KLF11: variants seen among roughly 807,000 people sequenced by gnomAD.
KLF11 encodes the protein Krueppel-like factor 11.
A neutral mutation model predicts 29.9 loss-of-function variants in KLF11; 26 were observed. That is an observed-to-expected ratio of 0.87 (90% CI 0.64 to 1.21). KLF11 has a LOEUF of 1.21. Ranked by LOEUF, KLF11 falls within the 50% of genes most tolerant of loss-of-function variation. The probability of loss-of-function intolerance (pLI) is 0.00; values close to 1 mark genes in which losing one functional copy is unlikely to be tolerated. For missense variants in KLF11, 778 were observed against 665.7 expected (o/e 1.17, Z -1.86); for synonymous variants, 318 against 257.4 (o/e 1.24, Z -2.25).
Position 10,048,414 on chromosome 2 carries a change from G to A in KLF11, c.1077G>A (p.Met359Ile), listed in dbSNP as rs146486664. Residue 359 changes from methionine to isoleucine, a missense_variant, in exon 3 of 4, where the codon ATG becomes ATA. Met to Ile is a conservative substitution (Grantham distance 10). Coordinates refer to ENST00000305883, the MANE Select transcript of KLF11 (RefSeq NM_003597.5). ...PPPAPCAANV[M>I]AAGNTKLLPL... ...CTGCCCCCTGTGCAGCCAATGTCAT[G>A]GCTGCCGGGAATACCAAGTTGTTGC... 1.6e-4 allele frequency: 266 copies of A among 1,613,988 alleles called. No individual in the cohort carries two copies. Among genetic ancestry groups the A allele is most frequent in the Non-Finnish European group, 2.2e-4 (256 of 1,179,996 alleles).
chr2:10,048,841 T>C (rs1230611762), intron 3 of KLF11, among the ~76,000 whole-genome samples: 1 of 151,850 alleles, frequency 6.6e-6, no homozygotes, highest in Non-Finnish European at 1.5e-5. Context: ...TGTGATTGTG[T>C]CTTTTGGTAG....
In KLF11 at chr2:10,052,312, C is replaced by T. The variant is rs747478342; in HGVS notation, c.1344C>T (p.His448=). 5 of 1,614,064 alleles carry T rather than the reference C, an allele frequency of 3.1e-6. No individual in the cohort carries two copies. The highest frequency in any genetic ancestry group is 4.2e-6 in the Non-Finnish European group (5 of 1,180,052). Residue 448 remains histidine (H), a synonymous_variant, in exon 4 of 4, where the codon CAC becomes CAT. Coordinates refer to ENST00000305883, the MANE Select transcript of KLF11 (RefSeq NM_003597.5). ...SDELSRHRRT[H]TGEKKFVCPV... is the part of the protein sequence containing the mutation. The stretch of plus-strand genomic sequence containing the variant: ...AGCTGTCACGCCACCGCAGAACTCA[C>T]ACAGGGGAGAAGAAGTTTGTGTGCC...
At chr2:10,043,929 CCGCGACGGG>C (rs1157517121) in intron 1 of KLF11, 171 bp downstream of exon 1, 8 of 1,007,438 alleles carry the variant, frequency 7.9e-6, no homozygotes, top group Non-Finnish European at 9.5e-6. Flanking sequence ...GGGGCGGCGG[CCGCGACGGG>C]CGCGCCCGGG....
chr2:10,046,049 A>G, intron 1 of KLF11, 101 bp from the exon 2 acceptor site: 3 of 1,332,612 alleles, frequency 2.3e-6, no homozygotes, highest in South Asian at 1.2e-5. Context: ...TGTGCATTAC[A>G]TGCCTACTGT....
chr2:10,045,590 TC>T (rs1661169258), intron 1 of KLF11, among the ~76,000 whole-genome samples: 1 of 152,322 alleles, frequency 6.6e-6, no homozygotes, highest in Admixed American at 6.5e-5. Flanking sequence ...ACAGATGACT[TC>T]CACTCCCGAA....
intron 3 of KLF11, among the ~76,000 whole-genome samples, chr2:10,050,738 C>G (rs1661377564): frequency 6.6e-6 from 1 of 151,864 alleles, no homozygotes; most frequent in Non-Finnish European, 1.5e-5. Flanking sequence ...TGTAAGAGTT[C>G]TGAAGAATCC....
chr2:10,049,416 G>C (rs1661336827), intron 3 of KLF11, among the ~76,000 whole-genome samples: 1 of 152,244 alleles, frequency 6.6e-6, no homozygotes, highest in African/African-American at 2.4e-5. Flanking sequence ...CTGTTGCTCT[G>C]ATCGTGGTAG....
intron 1 of KLF11, among the ~76,000 whole-genome samples, chr2:10,045,714 G>A (rs566970160): frequency 9.1e-4 from 138 of 152,366 alleles, no homozygotes; most frequent in Non-Finnish European, 1.8e-3. Flanking sequence ...CTGCTTTGGC[G>A]GCTTTGCCGC....
At position 10,054,522 on chromosome 2, in the gene KLF11, A is replaced by G. The variant is rs1176794017; in HGVS notation, c.*2015A>G. The G allele has an allele frequency of 1.3e-5, 2 of 152,662 alleles. No homozygotes were observed. The highest frequency in any genetic ancestry group is 2.9e-5 in the Non-Finnish European group (2 of 68,042). 9.5% of individuals were successfully genotyped at this position (152,662 alleles called of 1,614,324 possible). A position where few individuals can be genotyped will look rare whatever the true frequency, so the allele number is the denominator to read the frequency against. ...TCCACCTCCATTTGTCTGTTGAAAG[A>G]TTTTAAGTTGGAAACAGTTCCTGTC... is the stretch of plus-strand genomic sequence containing the variant. On this transcript the variant is annotated 3_prime_UTR_variant, in exon 4 of 4. Coordinates refer to ENST00000305883, the MANE Select transcript of KLF11 (RefSeq NM_003597.5).
chr2:10,052,270 GT>G lies in KLF11; in HGVS notation c.1305del (p.Phe435LeufsTer35). On this transcript the variant is annotated frameshift_variant, in exon 4 of 4. Coordinates refer to ENST00000305883, the MANE Select transcript of KLF11 (RefSeq NM_003597.5). LOFTEE classifies it high-confidence loss of function. ...GCAGCTGGGATGGCTGTGATAAAAA[GT>G]TTGCTCGTTCGGATGAGCTGTCACG... ...NCSWDGCDKK[F>X]ARSDELSRHR... is the part of the protein sequence containing the mutation. 1.2e-6 allele frequency: 2 copies of G among 1,614,170 alleles called. No homozygotes were observed. Among genetic ancestry groups the G allele is most frequent in the Non-Finnish European group, 8.5e-7 (1 of 1,180,036 alleles).
intron 3 of KLF11, among the ~76,000 whole-genome samples, chr2:10,048,808 G>A (rs1448877135): frequency 1.3e-5 from 2 of 152,072 alleles, no homozygotes; most frequent in Admixed American, 6.5e-5. Flanking sequence ...GCTCGCCCTG[G>A]AAGATAAAAT....
In KLF11 at chr2:10,052,218, ACCT is replaced by A. The variant is rs1393713169; in HGVS notation, c.1259-7_1259-5del. The A allele has an allele frequency of 1.9e-6, 3 of 1,613,382 alleles. No individual in the cohort carries two copies. In the South Asian group the frequency reaches 3.3e-5, roughly 18 times the overall value. Reference sequence around the variant, plus strand: ...CTTTCTCTTTAATATGTATTTTCTCACCTCACAGGGGAGAAGCCTTTCAACTGC... The same window carrying A: ...CTTTCTCTTTAATATGTATTTTCTCACACAGGGGAGAAGCCTTTCAACTGC... On this transcript the variant is annotated splice_polypyrimidine_tract_variant and splice_region_variant and intron_variant, in intron 3 of 3. Transcript: ENST00000305883.
chr2:10,043,710 C>T lies in KLF11; in HGVS notation c.-7C>T, dbSNP rs1176951885. ...GGCCGCTTTGTTGCTCCCGGCCGGC[C>T]TGCACGATGCACACGCCGGACTTCG... On this transcript the variant is annotated 5_prime_UTR_variant, in exon 1 of 4. Coordinates refer to ENST00000305883, the MANE Select transcript of KLF11 (RefSeq NM_003597.5). The T allele has an allele frequency of 1.7e-5, 23 of 1,359,820 alleles. No homozygotes were observed. Among genetic ancestry groups the T allele is most frequent in the Non-Finnish European group, 2.1e-5 (22 of 1,040,530 alleles). The allele number at this position is 1,359,820 out of a possible 1,614,324, so 84.2% of individuals were successfully genotyped here.
At position 10,046,417 on chromosome 2, in the gene KLF11, C is replaced by T. The variant is rs1661205373; in HGVS notation, c.310C>T (p.Leu104=). The T allele has an allele frequency of 1.2e-6, 2 of 1,613,724 alleles. No individual in the cohort carries two copies. The highest frequency in any genetic ancestry group is 2.7e-5 in the African/African-American group (2 of 74,906). Residue 104 remains leucine (L), a splice_region_variant and synonymous_variant, in exon 2 of 4, where the codon CTG becomes TTG. Coordinates refer to ENST00000305883, the MANE Select transcript of KLF11 (RefSeq NM_003597.5). ...AAAAGACTTCCATTCTTTATCGACT[C>T]TGGTAAGAGGAGGTGGGAGGGAGGA... ...LPKDFHSLST[L]CITPPQSPDL... is the part of the protein sequence containing the mutation.
intron 1 of KLF11, among the ~76,000 whole-genome samples, chr2:10,044,910 C>T (rs1272496953): frequency 6.6e-6 from 1 of 152,084 alleles, no homozygotes; most frequent in Non-Finnish European, 1.5e-5. Context: ...CTCTGGGAGA[C>T]CGAGGTGGGC....
In KLF11 at chr2:10,046,291, C is replaced by T. The variant is rs778466144; in HGVS notation, c.184C>T (p.Gln62Ter). The change falls in exon 2 of 4, where the codon CAG (glutamine) becomes TAG (stop). Residue 62 changes from glutamine to a stop codon, truncating the protein, a stop_gained. Transcript: ENST00000305883. LOFTEE classifies it high-confidence loss of function. ...TATGAGCTCCTGGGGTCAAAGATCCCAGAAAGGTGACCTGTTGCGGATAAG... is the reference window on the plus strand; with the variant it reads ...TATGAGCTCCTGGGGTCAAAGATCCTAGAAAGGTGACCTGTTGCGGATAAG... ...VCMSSWGQRS[Q>*]KGDLLRIRPL... The T allele has an allele frequency of 1.9e-6, 3 of 1,614,196 alleles. No individual in the cohort carries two copies. Among genetic ancestry groups the T allele is most frequent in the Non-Finnish European group, 2.5e-6 (3 of 1,180,036 alleles).
At position 10,052,723 on chromosome 2, in the gene KLF11, G is replaced by GTT. The variant is rs1553314463; in HGVS notation, c.*216_*217insTT. The GTT allele has an allele frequency of 1.8e-4, 73 of 395,408 alleles. No individual in the cohort carries two copies. Among genetic ancestry groups the GTT allele is most frequent in the Middle Eastern group, 5.8e-4 (1 of 1,732 alleles). The allele number at this position is 395,408 out of a possible 1,614,324, so 24.5% of individuals were successfully genotyped here. A position where few individuals can be genotyped will look rare whatever the true frequency, so the allele number is the denominator to read the frequency against. Reference sequence around the variant, plus strand: ...GTAGTTTCAGAAGTTTTTTTGTTTTGGTTTTTTTTTTAAAGAAATGGTAGA... The same window carrying GTT: ...GTAGTTTCAGAAGTTTTTTTGTTTTGTTGTTTTTTTTTTAAAGAAATGGTAGA... On this transcript the variant is annotated 3_prime_UTR_variant, in exon 4 of 4. Coordinates refer to ENST00000305883, the MANE Select transcript of KLF11 (RefSeq NM_003597.5).
Position 10,052,790 on chromosome 2 carries a change from C to A in KLF11, c.*283C>A. 2.3e-6 allele frequency: 1 copy of A among 430,128 alleles called. No individual in the cohort carries two copies. The allele number at this position is 430,128 out of a possible 1,614,324, so 26.6% of individuals were successfully genotyped here. ...ATCACCAGCATTCAAACAAATATTTCGGCAATAAAGTTTACAAAATCTGGA... is the reference window on the plus strand; with the variant it reads ...ATCACCAGCATTCAAACAAATATTTAGGCAATAAAGTTTACAAAATCTGGA... On this transcript the variant is annotated 3_prime_UTR_variant, in exon 4 of 4. Transcript: ENST00000305883.
At chr2:10,048,731 G>A in intron 3 of KLF11, 136 bp downstream of exon 3, 1 of 736,060 alleles carries the variant, frequency 1.4e-6, no homozygotes, top group Non-Finnish European at 2.4e-6. Context: ...CTTTGGTTCT[G>A]AAAAGCCCGC....
Sources: allele counts gnomAD v4.1 joint callset (sites outside exome capture counted in the v4.1 genomes callset), GRCh38; gene constraint gnomAD v4.1.1; transcripts MANE v1.5; gene names NCBI Gene and HGNC (gene_info 2026-07-23, HGNC 2026-07-21).